The following LAMA2 variants were observed in gnomAD, a reference collection of about 807,000 sequenced individuals.
LAMA2 encodes laminin subunit alpha 2.
Under a neutral mutation model 364.8 loss-of-function variants are expected in LAMA2, and 269 were observed. The ratio of observed to expected loss-of-function variants is 0.74; its 90% CI spans 0.67 to 0.82. LAMA2 has a LOEUF of 0.82. LAMA2 is among the 40% of genes least tolerant of loss of function. LAMA2 has a pLI of 0.00. For missense variants in LAMA2, 3,807 were observed against 3,873.2 expected (o/e 0.98, Z 0.45); for synonymous variants, 1,379 against 1,370.6 (o/e 1.01, Z -0.14).
intron 1 of LAMA2, among the ~76,000 whole-genome samples, chr6:129,013,452 T>C (rs1226917895): frequency 2.6e-5 from 4 of 151,334 alleles, no homozygotes; most frequent in Non-Finnish European, 1.5e-5. Context: ...AAAAAAAATT[T>C]TTTTTGAATA....
chr6:129,050,212 T>A (rs1787902297), intron 2 of LAMA2, 124 bp downstream of exon 2: 3 of 954,556 alleles, frequency 3.1e-6, no homozygotes, highest in Non-Finnish European at 4.9e-6. Flanking sequence ...CTTTTTACCA[T>A]TAAGAGCTTC....
rs139812770 is a variant in LAMA2 at position 128,969,297 on chromosome 6, A to G, written c.113-80621A>G. ...TTTACCAGAAGTTTTGAAATCTTAG[A>G]TTACCACTAACATTCCAATTTCTAA... is the stretch of plus-strand genomic sequence containing the variant. On this transcript the variant is annotated intron_variant, in intron 1 of 64. Transcript: ENST00000421865. 1.6e-3 allele frequency among the ~76,000 whole-genome samples: 243 copies of G among 152,316 alleles called. 3 individuals carry two copies. In the East Asian group the frequency reaches 0.032, roughly 20 times the overall value.
At chr6:128,993,726 C>T (rs1234541251) in intron 1 of LAMA2, among the ~76,000 whole-genome samples, 1 of 152,014 alleles carries the variant, frequency 6.6e-6, no homozygotes, top group Non-Finnish European at 1.5e-5. Context: ...TGGAGAGAGG[C>T]AGTGTTTCTG....
chr6:128,939,245 T>C (rs538186013), intron 1 of LAMA2, among the ~76,000 whole-genome samples: 100 of 152,298 alleles, frequency 6.6e-4, no homozygotes, highest in African/African-American at 2.3e-3. Context: ...CCTTCTGATA[T>C]TAATAATTTT....
intron 1 of LAMA2, among the ~76,000 whole-genome samples, chr6:128,927,442 C>A (rs573158409): frequency 6.6e-6 from 1 of 152,266 alleles, no homozygotes; most frequent in African/African-American, 2.4e-5. Flanking sequence ...AATATTACTT[C>A]TATGTTAGTG....
At chr6:128,908,118 T>C (rs367759352) in intron 1 of LAMA2, among the ~76,000 whole-genome samples, 34 of 150,822 alleles carry the variant, frequency 2.3e-4, no homozygotes, top group African/African-American at 4.9e-4. Context: ...TGTCTCTGCC[T>C]GGCTTTGGTA....
At chr6:129,465,583 G>A (rs1396493214) in intron 51 of LAMA2, among the ~76,000 whole-genome samples, 5 of 151,808 alleles carry the variant, frequency 3.3e-5, no homozygotes. Context: ...GAAAAATGTT[G>A]GGTGCTTTTC....
At chr6:128,920,346 C>T (rs1778617792) in intron 1 of LAMA2, among the ~76,000 whole-genome samples, 1 of 151,894 alleles carries the variant, frequency 6.6e-6, no homozygotes, top group African/African-American at 2.4e-5. Flanking sequence ...TTAGTAGAGA[C>T]AGGATTTCAC....
At chr6:129,438,858 C>T in intron 42 of LAMA2, 96 bp downstream of exon 42, 1 of 755,674 alleles carries the variant, frequency 1.3e-6, no homozygotes, top group Non-Finnish European at 2.5e-6. Flanking sequence ...TATTCTGGTA[C>T]TATTATCTGG....
chr6:129,443,772 A>T lies in LAMA2; in HGVS notation c.6274+704A>T, dbSNP rs1263172497. ...TTGAAAGTCAAGAAAAACTAAAAAA[A>T]TAGCTACAAAAAATAATAACAAGAA... On this transcript the variant is annotated intron_variant, in intron 44 of 64. Transcript: ENST00000421865. Among the ~76,000 whole-genome samples, 3 of 152,198 alleles carry T rather than the reference A, an allele frequency of 2.0e-5. No homozygotes were observed. The East Asian group carries it at 5.8e-4, about 29-fold the overall frequency.
intron 12 of LAMA2, among the ~76,000 whole-genome samples, chr6:129,216,334 G>A (rs1783422349): frequency 6.6e-6 from 1 of 152,124 alleles, no homozygotes; most frequent in South Asian, 2.1e-4. Context: ...GCATAGTCTG[G>A]CACATTATAT....
intron 29 of LAMA2, among the ~76,000 whole-genome samples, chr6:129,330,886 T>G (rs75126211): frequency 1.3e-5 from 2 of 151,882 alleles, no homozygotes. Context: ...TTTTTTTTTT[T>G]GAGACGGAGT....
chr6:129,385,567 A>G (rs1778968928), intron 35 of LAMA2, among the ~76,000 whole-genome samples: 1 of 152,176 alleles, frequency 6.6e-6, no homozygotes, highest in African/African-American at 2.4e-5. Context: ...TGTACTATTC[A>G]TCCTATCTTT....
intron 15 of LAMA2, among the ~76,000 whole-genome samples, chr6:129,262,176 T>C (rs1787184501): frequency 6.6e-6 from 1 of 152,138 alleles, no homozygotes; most frequent in Non-Finnish European, 1.5e-5. Flanking sequence ...CTTCCTTCTC[T>C]CCTTCAAAAA....
intron 1 of LAMA2, among the ~76,000 whole-genome samples, chr6:128,969,502 G>T (rs1442820735): frequency 6.6e-6 from 1 of 152,048 alleles, no homozygotes; most frequent in Non-Finnish European, 1.5e-5. Context: ...TGTGATCTCA[G>T]CTCATTGCAA....
chr6:129,295,827 A>G (rs980896883), intron 20 of LAMA2, among the ~76,000 whole-genome samples: 11 of 152,008 alleles, frequency 7.2e-5, no homozygotes, highest in Middle Eastern at 3.5e-3. Context: ...GTGTTTATAC[A>G]TATATCGGCA....
intron 1 of LAMA2, among the ~76,000 whole-genome samples, chr6:128,920,601 A>T (rs1401803436): frequency 6.6e-6 from 1 of 151,482 alleles, no homozygotes; most frequent in African/African-American, 2.4e-5. Context: ...ATCCTAGTTT[A>T]TGTGCTTCCT....
intron 1 of LAMA2, among the ~76,000 whole-genome samples, chr6:129,039,927 C>A (rs1786970379): frequency 6.6e-6 from 1 of 152,180 alleles, no homozygotes; most frequent in Non-Finnish European, 1.5e-5. Flanking sequence ...GTCTGCAGCC[C>A]TGGGGTTGGG....
In LAMA2 at chr6:129,050,033, G is replaced by T; in HGVS notation, c.228G>T (p.Gln76His). 6.2e-7 allele frequency: 1 copy of T among 1,614,144 alleles called. No homozygotes were observed. The highest frequency in any genetic ancestry group is 8.5e-7 in the Non-Finnish European group (1 of 1,180,020). Residue 76 changes from glutamine (Q) to histidine (H), a missense_variant, in exon 2 of 65, where the codon CAG (glutamine) becomes CAT (histidine). Physicochemically the swap from Gln to His is conservative, Grantham distance 24. Around this residue, in one of 3 missense-constraint regions of LAMA2, gnomAD observed 394 missense variants for 403.5 expected, o/e 0.98. Coordinates refer to ENST00000421865, the MANE Select transcript of LAMA2 (RefSeq NM_000426.4). ...YCKLVEHVPG[Q>H]PVRNPQCRIC... Reference sequence around the variant, plus strand: ...AATTGGTAGAACATGTCCCTGGGCAGCCTGTGAGGAACCCGCAGTGTCGAA... The same window carrying T: ...AATTGGTAGAACATGTCCCTGGGCATCCTGTGAGGAACCCGCAGTGTCGAA...
Sources: gnomAD v4.1 joint callset for allele counts (sites outside exome capture counted in the v4.1 genomes callset) on GRCh38, gnomAD v4.1.1 for gene constraint, gnomAD v4.1.1 regional missense constraint, MANE v1.5 for transcripts, NCBI Gene and HGNC (gene_info 2026-07-23, HGNC 2026-07-21) for gene names.